The following BPIFB4 variants were observed in gnomAD, a reference collection of about 807,000 sequenced individuals.
BPIFB4 encodes BPI fold-containing family B member 4.
BPIFB4 carries 62 observed loss-of-function variants against 69.2 expected under a neutral mutation model. The ratio of observed to expected loss-of-function variants is 0.90; its 90% CI spans 0.73 to 1.11. The LOEUF is 1.11. Among genes scored for constraint, BPIFB4 ranks in the 50% least tolerant of loss-of-function variants. The probability of loss-of-function intolerance (pLI) is 0.00; values close to 1 mark genes in which losing one functional copy is unlikely to be tolerated. For missense variants in BPIFB4, 789 were observed against 792.0 expected (o/e 1.00, Z 0.04); for synonymous variants, 330 against 332.7 (o/e 0.99, Z 0.09).
chr20:33,094,804 G>A (rs758409987), intron 11 of BPIFB4, among the ~76,000 whole-genome samples: 7 of 152,090 alleles, frequency 4.6e-5, no homozygotes, highest in African/African-American at 7.2e-5. Flanking sequence ...CACCGTTCTC[G>A]CCCAAGAATA....
In BPIFB4 at chr20:33,104,938, T is replaced by C. The variant is rs947463586; in HGVS notation, c.1744+65T>C. The C allele has an allele frequency of 2.1e-5, 32 of 1,505,842 alleles. 1 individual carries two copies. In the Middle Eastern group the frequency reaches 5.1e-4, roughly 24 times the overall value. The allele number at this position is 1,505,842 out of a possible 1,614,324, so 93.3% of individuals were successfully genotyped here. A position where few individuals can be genotyped will look rare whatever the true frequency, so the allele number is the denominator to read the frequency against. ...TTGGGTACTGGGGGATACTGGCTTG[T>C]TGGGCATGCTGGATGTGCATCTATC... On this transcript the variant is annotated intron_variant, in intron 16 of 17. Transcript: ENST00000375483.
At chr20:33,085,548 C>T (rs1016950992) in intron 6 of BPIFB4, among the ~76,000 whole-genome samples, 1 of 152,186 alleles carries the variant, frequency 6.6e-6, no homozygotes, top group African/African-American at 2.4e-5. Flanking sequence ...GACCTTGGGC[C>T]AGTCCCCCAG....
intron 6 of BPIFB4, among the ~76,000 whole-genome samples, chr20:33,085,810 G>A (rs1367523445): frequency 4.6e-5 from 7 of 152,214 alleles, no homozygotes; most frequent in Non-Finnish European, 8.8e-5. Flanking sequence ...GCTGAGCCCT[G>A]TTCCCAGCCT....
At chr20:33,104,515 T>A (rs2146415502) in intron 15 of BPIFB4, among the ~76,000 whole-genome samples, 1 of 152,302 alleles carries the variant, frequency 6.6e-6, no homozygotes, top group African/African-American at 2.4e-5. Context: ...AAACCTGTGC[T>A]CTGTGCCTCC....
intron 14 of BPIFB4, among the ~76,000 whole-genome samples, chr20:33,101,260 G>A (rs966163511): frequency 2.6e-5 from 4 of 152,178 alleles, no homozygotes; most frequent in Non-Finnish European, 5.9e-5. Flanking sequence ...GGGCCACCCA[G>A]CAAGTACATA....
chr20:33,084,841 T>C (rs1981369825), intron 5 of BPIFB4, 51 bp from the exon 6 acceptor site: 1 of 1,581,500 alleles, frequency 6.3e-7, no homozygotes. Flanking sequence ...CTCGGGTGAG[T>C]GGGTGGTAGT....
chr20:33,088,835 T>C, intron 7 of BPIFB4, 131 bp from the exon 8 acceptor site: 1 of 1,501,064 alleles, frequency 6.7e-7, no homozygotes, highest in Non-Finnish European at 9.0e-7. Context: ...TCCTCCCAGC[T>C]TTCGAACAGT....
At chr20:33,107,881 C>G in intron 17 of BPIFB4, 61 bp downstream of exon 17, 1 of 1,422,734 alleles carries the variant, frequency 7.0e-7, no homozygotes, top group Non-Finnish European at 9.9e-7. Flanking sequence ...TCACCTTTGA[C>G]CACTGCATTC....
rs766622552 is a variant in BPIFB4 at position 33,083,690 on chromosome 20, G to T, written c.493G>T (p.Ala165Ser). Residue 165 changes from alanine to serine, a missense_variant, in exon 5 of 18, where the codon GCG (alanine) becomes TCG (serine). Physicochemically the swap from Ala to Ser is moderately conservative, Grantham distance 99. This residue lies in a region of BPIFB4 where 611 missense variants were observed against 575.4 expected (regional missense o/e 1.06). Transcript: ENST00000375483. ...AATCCCACCTGGAGTTGCCACTGGG[G>T]CGGTGGGCCCAGGTGGTTTGCTGGG... is the stretch of plus-strand genomic sequence containing the variant. ...GEIPPGVATG[A>S]VGPGGLLGTG... 2 of 1,613,946 alleles carry T rather than the reference G, an allele frequency of 1.2e-6. No individual in the cohort carries two copies. The highest frequency in any genetic ancestry group is 2.7e-5 in the African/African-American group (2 of 74,898).
At chr20:33,092,740 G>A (rs2146408558) in intron 11 of BPIFB4, 82 bp downstream of exon 11, 1 of 1,371,762 alleles carries the variant, frequency 7.3e-7, no homozygotes, top group Admixed American at 1.7e-5. Context: ...CAGACTTGGG[G>A]AATTTGCTGT....
Position 33,100,509 on chromosome 20 carries a change from G to C in BPIFB4, c.1637+16G>C, listed in dbSNP as rs1568587438. 16 of 1,602,726 alleles carry C rather than the reference G, an allele frequency of 1.0e-5. No homozygotes were observed. Among genetic ancestry groups the C allele is most frequent in the Non-Finnish European group, 1.4e-5 (16 of 1,169,848 alleles). ...AGCTGGAGAAGTAAGGGGCTATGCT[G>C]CCTTGGGGTCCTGACGGTGCTGGTG... On this transcript the variant is annotated intron_variant, in intron 14 of 17. Transcript: ENST00000375483.
intron 11 of BPIFB4, among the ~76,000 whole-genome samples, chr20:33,094,662 A>C (rs187558655): frequency 3.0e-4 from 46 of 152,080 alleles, no homozygotes; most frequent in African/African-American, 1.0e-3. Flanking sequence ...ATGTGCCATC[A>C]TGCCCGGCTA....
intron 12 of BPIFB4, among the ~76,000 whole-genome samples, chr20:33,096,845 T>A (rs1043086717): frequency 6.6e-6 from 1 of 152,220 alleles, no homozygotes; most frequent in African/African-American, 2.4e-5. Context: ...TTGAAAGTAA[T>A]ATTGTGGTTT....
At position 33,083,667 on chromosome 20, in the gene BPIFB4, T is replaced by A. The variant is rs770605766; in HGVS notation, c.470T>A (p.Ile157Asn). The A allele has an allele frequency of 6.2e-7, 1 of 1,613,976 alleles. No individual in the cohort carries two copies. The highest frequency in any genetic ancestry group is 8.5e-7 in the Non-Finnish European group (1 of 1,179,956). ...LHRRELQPGE[I>N]PPGVATGAVG... The stretch of plus-strand genomic sequence containing the variant: ...CGGCGAGAGCTGCAGCCTGGAGAAA[T>A]CCCACCTGGAGTTGCCACTGGGGCG... The change falls in exon 5 of 18, where the codon ATC becomes AAC. Residue 157 changes from isoleucine to asparagine, a missense_variant. Coordinates refer to ENST00000375483, the MANE Select transcript of BPIFB4 (RefSeq NM_182519.3).
rs1349651444 is a variant in BPIFB4, at chr20:33,082,919, T to C, written c.107-19T>C. The C allele has an allele frequency of 6.2e-7, 1 of 1,608,898 alleles. No individual in the cohort carries two copies. Among genetic ancestry groups the C allele is most frequent in the Admixed American group, 1.7e-5 (1 of 59,998 alleles). ...AAAAAAGGGAGGAACCCTGGACTGA[T>C]GCCCTTGCCTCTCTGCAGCCATTTC... On this transcript the variant is annotated intron_variant, in intron 3 of 17. Coordinates refer to ENST00000375483, the MANE Select transcript of BPIFB4 (RefSeq NM_182519.3).
intron 12 of BPIFB4, among the ~76,000 whole-genome samples, chr20:33,096,245 T>C (rs565170403): frequency 6.6e-6 from 1 of 152,348 alleles, no homozygotes; most frequent in South Asian, 2.1e-4. Context: ...CACTGCACTT[T>C]ACAGCTTATG....
At chr20:33,104,732 CA>C in intron 15 of BPIFB4, 77 bp from the exon 16 acceptor site, 3 of 1,396,264 alleles carry the variant, frequency 2.1e-6, no homozygotes, top group Non-Finnish European at 3.0e-6. Flanking sequence ...CACCTTGAGC[CA>C]GGGGAGCAGA....
intron 14 of BPIFB4, among the ~76,000 whole-genome samples, 173 bp from the exon 15 acceptor site, chr20:33,102,799 G>A (rs998409785): frequency 2.6e-5 from 4 of 152,200 alleles, no homozygotes; most frequent in African/African-American, 7.2e-5. Context: ...CATGGTGTCC[G>A]ACGTGTAGTT....
chr20:33,111,347 G>A, intron 17 of BPIFB4, 67 bp from the exon 18 acceptor site: 1 of 1,597,182 alleles, frequency 6.3e-7, no homozygotes, highest in East Asian at 2.2e-5. Context: ...TCCGTAGGCA[G>A]GTGAGTAGCA....
Sources: allele counts gnomAD v4.1 joint callset (sites outside exome capture counted in the v4.1 genomes callset), GRCh38; gene constraint gnomAD v4.1.1; regional missense constraint gnomAD v4.1.1; transcripts MANE v1.5; gene names NCBI Gene and HGNC (gene_info 2026-07-23, HGNC 2026-07-21).